The following BNIP5 variants were observed in gnomAD, a reference collection of about 807,000 sequenced individuals.
BNIP5 encodes BCL2 interacting protein 5.
BNIP5 carries 61 observed loss-of-function variants against 67.3 expected under a neutral mutation model. The observed-to-expected ratio is 0.91, with a 90% confidence interval of 0.74 to 1.12. The LOEUF is 1.12. BNIP5 is among the 50% of genes most tolerant of loss of function. BNIP5 has a pLI of 0.00. For synonymous variants in BNIP5, 317 were observed against 319.0 expected (o/e 0.99, Z 0.07); for missense variants, 826 against 816.3 (o/e 1.01, Z -0.14).
intron 10 of BNIP5, 95 bp from the exon 11 acceptor site, chr6:36,319,705 C>T (rs1771595483): frequency 1.4e-6 from 2 of 1,421,940 alleles, no homozygotes; most frequent in Admixed American, 2.0e-5. Context: ...AGGCGGGGCA[C>T]TCCTTGTCCC....
At chr6:36,326,422 C>T (rs1771761677) in intron 5 of BNIP5, 88 bp downstream of exon 5, 1 of 1,543,528 alleles carries the variant, frequency 6.5e-7, no homozygotes, top group Admixed American at 1.9e-5. Flanking sequence ...ACAACGCAAC[C>T]TTTAAAATGG....
At chr6:36,332,007 A>T (rs1771918162) in intron 1 of BNIP5, among the ~76,000 whole-genome samples, 2 of 151,996 alleles carry the variant, frequency 1.3e-5, no homozygotes, top group African/African-American at 4.8e-5. Context: ...TCCTTACAGT[A>T]ACTTCTCCCC....
At position 36,330,069 on chromosome 6, in the gene BNIP5, C is replaced by T. The variant is rs374409703; in HGVS notation, c.610+12G>A. ...CTAGGGGTTGCCATAGGAACAGGCA[C>T]GGTCCGCTCACCCCTGCGAGCTGGG... On this transcript the variant is annotated intron_variant, in intron 2 of 11. Coordinates refer to ENST00000437635, the MANE Select transcript of BNIP5 (RefSeq NM_001010903.5). 52 of 1,585,330 alleles carry T rather than the reference C, an allele frequency of 3.3e-5. No homozygotes were observed. The highest frequency in any genetic ancestry group is 1.8e-4 in the East Asian group (8 of 44,778).
rs1771520497 is a variant in BNIP5, at chr6:36,316,594, T to C, written c.*762A>G. On this transcript the variant is annotated 3_prime_UTR_variant, in exon 12 of 12. Transcript: ENST00000437635. ...CAGCCCATTGAAGCCCTCCTCCACT[T>C]CCTGAAAACTACCCAAAAGAAGCTA... is the stretch of plus-strand genomic sequence containing the variant. 1 of 398,704 alleles carries C rather than the reference T, an allele frequency of 2.5e-6. No individual in the cohort carries two copies. Among genetic ancestry groups the C allele is most frequent in the East Asian group, 3.6e-5 (1 of 28,080 alleles). 24.7% of individuals were successfully genotyped at this position (398,704 alleles called of 1,614,324 possible). A position where few individuals can be genotyped will look rare whatever the true frequency, so the allele number is the denominator to read the frequency against.
In BNIP5 at chr6:36,317,125, T is replaced by C. The variant is rs1385995767; in HGVS notation, c.*231A>G. 3.4e-6 allele frequency: 2 copies of C among 593,516 alleles called. No individual in the cohort carries two copies. The highest frequency in any genetic ancestry group is 6.0e-6 in the Non-Finnish European group (2 of 334,464). 36.8% of individuals were successfully genotyped at this position (593,516 alleles called of 1,614,324 possible). On this transcript the variant is annotated 3_prime_UTR_variant, in exon 12 of 12. Coordinates refer to ENST00000437635, the MANE Select transcript of BNIP5 (RefSeq NM_001010903.5). ...CAGGTAGAGCCCCAGTCTTCCTCAT[T>C]CCCAGTCCAGTGCTGATTTCCCCAG...
chr6:36,325,402 G>T lies in BNIP5; in HGVS notation c.1049C>A (p.Pro350His), dbSNP rs1299034761. The change falls in exon 6 of 12, where the codon CCT becomes CAT. Residue 350 changes from proline to histidine, a missense_variant. By Grantham distance (77) the Pro-to-His change is moderately conservative. Coordinates refer to ENST00000437635, the MANE Select transcript of BNIP5 (RefSeq NM_001010903.5). ...TGTAGATGGGGCCTCCTGGACTTTA[G>T]GTTCTTCCAAGCCTGAGAAGCAGAA... ...SISSSYGLEE[P>H]KVQEAPSTEA... The T allele has an allele frequency of 3.1e-6, 5 of 1,611,898 alleles. No homozygotes were observed. In the South Asian group the frequency reaches 5.5e-5, roughly 18 times the overall value.
chr6:36,330,224 C>A lies in BNIP5; in HGVS notation c.467G>T (p.Arg156Leu), dbSNP rs141030977. The A allele has an allele frequency of 1.6e-5, 26 of 1,613,986 alleles. No individual in the cohort carries two copies. Among genetic ancestry groups the A allele is most frequent in the Admixed American group, 8.3e-5 (5 of 59,970 alleles). The change falls in exon 2 of 12, where the codon CGC becomes CTC. Residue 156 changes from arginine to leucine, a missense_variant. Coordinates refer to ENST00000437635, the MANE Select transcript of BNIP5 (RefSeq NM_001010903.5). ...KKAHHDKKPSRKKQGHKKHAA... is the reference protein window; with the variant it reads ...KKAHHDKKPSLKKQGHKKHAA... ...GTGTTTCTTGTGACCTTGCTTCTTGCGGCTGGGCTTCTTGTCGTGGTGGGC... is the reference window on the plus strand; with the variant it reads ...GTGTTTCTTGTGACCTTGCTTCTTGAGGCTGGGCTTCTTGTCGTGGTGGGC...
chr6:36,324,835 A>G (rs113439699), intron 6 of BNIP5, among the ~76,000 whole-genome samples: 8 of 151,372 alleles, frequency 5.3e-5, no homozygotes, highest in African/African-American at 1.9e-4. Context: ...CATATTAGCC[A>G]CTAACAGGGG....
rs762130642 is a variant in BNIP5 at position 36,330,085 on chromosome 6, G to A, written c.606C>T (p.Arg202=). 7 of 1,601,604 alleles carry A rather than the reference G, an allele frequency of 4.4e-6. No individual in the cohort carries two copies. Among genetic ancestry groups the A allele is most frequent in the Non-Finnish European group, 4.2e-6 (5 of 1,177,768 alleles). The change falls in exon 2 of 12, where the codon CGC becomes CGT. Residue 202 remains arginine, a synonymous_variant. Transcript: ENST00000437635. ...GAACAGGCACGGTCCGCTCACCCCT[G>A]CGAGCTGGGCCCAGGTCAGCCTCCC... ...RSGEADLGPA[R]RGGEDSDHQS...
chr6:36,324,956 C>G lies in BNIP5; in HGVS notation c.1168+327G>C, dbSNP rs143611717. Among the ~76,000 whole-genome samples, 472 of 152,226 alleles carry G rather than the reference C, an allele frequency of 3.1e-3. 3 individuals are homozygous for G. Among genetic ancestry groups the G allele is most frequent in the African/African-American group, 0.011 (453 of 41,552 alleles). On this transcript the variant is annotated intron_variant, in intron 6 of 11. Coordinates refer to ENST00000437635, the MANE Select transcript of BNIP5 (RefSeq NM_001010903.5). ...GTAACTTGCCCAAGTCCACACAGCTCAAAGGGGTCACAGCCCAGACTCAAA... is the reference window on the plus strand; with the variant it reads ...GTAACTTGCCCAAGTCCACACAGCTGAAAGGGGTCACAGCCCAGACTCAAA...
intron 2 of BNIP5, 74 bp downstream of exon 2, chr6:36,330,007 C>G: frequency 1.3e-6 from 2 of 1,489,846 alleles, no homozygotes; most frequent in Non-Finnish European, 1.8e-6. Context: ...ATCCCTGTCC[C>G]TCTGTGGAGA....
In BNIP5 at chr6:36,319,590, A is replaced by G; in HGVS notation, c.1689T>C (p.Phe563=). 3 of 1,612,238 alleles carry G rather than the reference A, an allele frequency of 1.9e-6. No individual in the cohort carries two copies. Among genetic ancestry groups the G allele is most frequent in the Non-Finnish European group, 2.5e-6 (3 of 1,178,436 alleles). ...LGQQIRRHPS[F]KRFFYEFSDS... The stretch of plus-strand genomic sequence containing the variant: ...CCGAGAACTCGTAAAAAAACCTCTT[A>G]AAGCTGGGGTGGCGCCTGATCTGGA... The change falls in exon 11 of 12, where the codon TTT becomes TTC. Residue 563 remains phenylalanine (F), a synonymous_variant. Transcript: ENST00000437635.
At chr6:36,320,462 G>GC (rs796100518) in intron 10 of BNIP5, among the ~76,000 whole-genome samples, 66 of 152,290 alleles carry the variant, frequency 4.3e-4, no homozygotes, top group African/African-American at 1.3e-3. Context: ...TGTTAATTCT[G>GC]CCCCCCACAT....
chr6:36,325,402 G>C lies in BNIP5; in HGVS notation c.1049C>G (p.Pro350Arg). 3.7e-6 allele frequency: 6 copies of C among 1,611,898 alleles called. No individual in the cohort carries two copies. The highest frequency in any genetic ancestry group is 5.1e-6 in the Non-Finnish European group (6 of 1,179,252). The change falls in exon 6 of 12, where the codon CCT becomes CGT. Residue 350 changes from proline to arginine, a missense_variant. Transcript: ENST00000437635. ...TGTAGATGGGGCCTCCTGGACTTTA[G>C]GTTCTTCCAAGCCTGAGAAGCAGAA... ...SISSSYGLEE[P>R]KVQEAPSTEA...
Position 36,330,067 on chromosome 6 carries a change from C to A in BNIP5, c.610+14G>T. ...CCCTAGGGGTTGCCATAGGAACAGG[C>A]ACGGTCCGCTCACCCCTGCGAGCTG... On this transcript the variant is annotated intron_variant, in intron 2 of 11. Transcript: ENST00000437635. 6.3e-7 allele frequency: 1 copy of A among 1,583,526 alleles called. No homozygotes were observed. Among genetic ancestry groups the A allele is most frequent in the Non-Finnish European group, 8.5e-7 (1 of 1,170,962 alleles).
At position 36,316,508 on chromosome 6, in the gene BNIP5, G is replaced by A. The variant is rs1227748798; in HGVS notation, c.*848C>T. On this transcript the variant is annotated 3_prime_UTR_variant, in exon 12 of 12. Transcript: ENST00000437635. ...ATCCACAATGTCTAGGACATGAATA[G>A]TACCTCCTGGAGTATGGTGCTCTTG... The A allele has an allele frequency of 5.0e-6, 2 of 398,526 alleles. No individual in the cohort carries two copies. The highest frequency in any genetic ancestry group is 1.3e-4 in the South Asian group (1 of 7,862). The allele number at this position is 398,526 out of a possible 1,614,324, so 24.7% of individuals were successfully genotyped here. A position where few individuals can be genotyped will look rare whatever the true frequency, so the allele number is the denominator to read the frequency against.
At chr6:36,323,201 C>T (rs942884566) in intron 8 of BNIP5, 92 bp downstream of exon 8, 1 of 1,542,386 alleles carries the variant, frequency 6.5e-7, no homozygotes, top group African/African-American at 1.4e-5. Context: ...GGACATCCTC[C>T]ACTATGCCAG....
chr6:36,318,222 T>G (rs1771560318), intron 11 of BNIP5, among the ~76,000 whole-genome samples: 1 of 152,248 alleles, frequency 6.6e-6, no homozygotes, highest in African/African-American at 2.4e-5. Flanking sequence ...CACTTGGATG[T>G]AGAAGTTCCG....
At position 36,332,312 on chromosome 6, in the gene BNIP5, A is replaced by ATTCC. The variant is rs1561887523; in HGVS notation, c.-4-1619_-4-1618insGGAA. On this transcript the variant is annotated intron_variant, in intron 1 of 11. Coordinates refer to ENST00000437635, the MANE Select transcript of BNIP5 (RefSeq NM_001010903.5). ...CTCACTTCCTTTGAGGCTGTACTTA[A>ATTCC]CTGTCACCTTCCCATCGAGGCCCTC... Among the ~76,000 whole-genome samples, 11 of 151,714 alleles carry ATTCC rather than the reference A, an allele frequency of 7.3e-5. No homozygotes were observed. The East Asian group carries it at 1.2e-3, about 16-fold the overall frequency.
Sources: allele counts gnomAD v4.1 joint callset (sites outside exome capture counted in the v4.1 genomes callset), GRCh38; gene constraint gnomAD v4.1.1; transcripts MANE v1.5; gene names NCBI Gene and HGNC (gene_info 2026-07-23, HGNC 2026-07-21).